The following DOK6 variants were observed in gnomAD, a reference collection of about 807,000 sequenced individuals.
DOK6 encodes the protein downstream of tyrosine kinase 6.
DOK6 carries 22 observed loss-of-function variants against 44.0 expected under a neutral mutation model. The ratio of observed to expected loss-of-function variants is 0.50; its 90% confidence interval spans 0.36 to 0.71. The LOEUF is 0.71. Ranked by LOEUF, DOK6 falls within the 30% of genes least tolerant of loss-of-function variation. DOK6 has a pLI of 0.00. For missense variants in DOK6, 340 were observed against 416.4 expected (o/e 0.82, Z 1.60); for synonymous variants, 166 against 145.5 (o/e 1.14, Z -1.01).
chr18:69,641,971 T>C lies in DOK6; in HGVS notation c.290-35763T>C, dbSNP rs948720348. On this transcript the variant is annotated intron_variant, in intron 3 of 7. Transcript: ENST00000382713. The stretch of plus-strand genomic sequence containing the variant: ...TGCATTTTTATTTCATTAGGGGCAT[T>C]TATAACCACTGGATTTGTTTTAATT... Among the ~76,000 whole-genome samples, 6 of 152,212 alleles carry C rather than the reference T, an allele frequency of 3.9e-5. No homozygotes were observed. The South Asian group carries it at 1.2e-3, about 31-fold the overall frequency.
At chr18:69,761,852 T>C (rs1321580513) in intron 7 of DOK6, among the ~76,000 whole-genome samples, 2 of 152,110 alleles carry the variant, frequency 1.3e-5, no homozygotes, top group African/African-American at 2.4e-5. Context: ...GTGGCAGATA[T>C]CCGAGTTACG....
intron 7 of DOK6, among the ~76,000 whole-genome samples, chr18:69,820,962 G>T (rs1981551035): frequency 1.3e-5 from 2 of 152,014 alleles, no homozygotes; most frequent in Admixed American, 6.6e-5. Context: ...TTATACCTGG[G>T]TGATGAAATA....
At chr18:69,698,996 A>G (rs1484815292) in intron 5 of DOK6, among the ~76,000 whole-genome samples, 1 of 152,198 alleles carries the variant, frequency 6.6e-6, no homozygotes, top group Non-Finnish European at 1.5e-5. Context: ...ATAAGCAAAC[A>G]ATCTTTTTTT....
intron 5 of DOK6, among the ~76,000 whole-genome samples, chr18:69,732,429 T>G (rs966571326): frequency 6.6e-6 from 1 of 152,312 alleles, no homozygotes; most frequent in Non-Finnish European, 1.5e-5. Flanking sequence ...ATGACTTACA[T>G]CACATCTTTA....
chr18:69,493,889 T>C lies in DOK6; in HGVS notation c.67-70598T>C, dbSNP rs981320560. ...AGATGTACAATGTGATGATATAATA[T>C]GCATATACATTGTGAAATGATTACC... On this transcript the variant is annotated intron_variant, in intron 1 of 7. Transcript: ENST00000382713. 4.6e-5 allele frequency among the ~76,000 whole-genome samples: 7 copies of C among 152,188 alleles called. 1 individual carries two copies. The highest frequency in any genetic ancestry group is 1.7e-4 in the African/African-American group (7 of 41,446).
intron 7 of DOK6, among the ~76,000 whole-genome samples, chr18:69,791,271 T>C (rs1196852625): frequency 1.3e-5 from 2 of 152,186 alleles, no homozygotes; most frequent in Admixed American, 6.6e-5. Flanking sequence ...ATATACCTAG[T>C]GGTGGGATTG....
At chr18:69,603,330 A>C (rs10469161) in intron 3 of DOK6, among the ~76,000 whole-genome samples, 5,278 of 152,206 alleles carry the variant, frequency 0.035, 289 homozygotes, top group African/African-American at 0.12. Context: ...TGTAGCCCCT[A>C]ATCCTACAAT....
At chr18:69,779,963 T>A (rs896642612) in intron 7 of DOK6, among the ~76,000 whole-genome samples, 2 of 152,152 alleles carry the variant, frequency 1.3e-5, no homozygotes, top group African/African-American at 4.8e-5. Flanking sequence ...TCCTATTTAT[T>A]GTGTTATTAC....
At chr18:69,659,557 A>T (rs1985455795) in intron 3 of DOK6, among the ~76,000 whole-genome samples, 1 of 152,188 alleles carries the variant, frequency 6.6e-6, no homozygotes, top group Admixed American at 6.5e-5. Flanking sequence ...AGATAAAGTC[A>T]AGGGCACTCG....
At chr18:69,481,910 C>T (rs1599151824) in intron 1 of DOK6, among the ~76,000 whole-genome samples, 1 of 152,170 alleles carries the variant, frequency 6.6e-6, no homozygotes, top group Non-Finnish European at 1.5e-5. Context: ...TTAATGATCA[C>T]CATTCTAACT....
At chr18:69,701,817 A>G (rs1018478474) in intron 5 of DOK6, among the ~76,000 whole-genome samples, 2 of 152,214 alleles carry the variant, frequency 1.3e-5, no homozygotes, top group African/African-American at 2.4e-5. Context: ...AAAGGTGGTT[A>G]GTGGTAGCAA....
chr18:69,727,224 C>T (rs1978314067), intron 5 of DOK6, among the ~76,000 whole-genome samples: 1 of 152,088 alleles, frequency 6.6e-6, no homozygotes, highest in Non-Finnish European at 1.5e-5. Flanking sequence ...CTACTTACCT[C>T]CCAAAGGCCA....
chr18:69,790,509 G>A (rs1163007090), intron 7 of DOK6, among the ~76,000 whole-genome samples: 1 of 152,150 alleles, frequency 6.6e-6, no homozygotes, highest in Non-Finnish European at 1.5e-5. Context: ...TATACAATCT[G>A]AAGCATGCGC....
intron 7 of DOK6, 69 bp downstream of exon 7, chr18:69,757,942 T>C: frequency 7.5e-7 from 1 of 1,330,366 alleles, no homozygotes; most frequent in East Asian, 2.3e-5. Flanking sequence ...GTCATGCAAA[T>C]TGCTTTGTAT....
intron 6 of DOK6, among the ~76,000 whole-genome samples, chr18:69,751,599 C>T (rs537574504): frequency 2.6e-5 from 4 of 152,134 alleles, no homozygotes; most frequent in East Asian, 1.9e-4. Context: ...CAAGTACTTA[C>T]AAGATGTACA....
chr18:69,599,727 T>C (rs1335002093), intron 3 of DOK6, among the ~76,000 whole-genome samples: 1 of 152,212 alleles, frequency 6.6e-6, no homozygotes, highest in Non-Finnish European at 1.5e-5. Context: ...TGTTGAGGTT[T>C]CCGTTCAAGC....
At chr18:69,766,591 A>G (rs993315854) in intron 7 of DOK6, among the ~76,000 whole-genome samples, 2 of 152,200 alleles carry the variant, frequency 1.3e-5, no homozygotes, top group African/African-American at 2.4e-5. Flanking sequence ...AGAAAATGTT[A>G]TTAAGAAAAT....
chr18:69,700,995 T>A (rs566149291), intron 5 of DOK6, among the ~76,000 whole-genome samples: 10 of 152,256 alleles, frequency 6.6e-5, no homozygotes, highest in Non-Finnish European at 1.5e-4. Flanking sequence ...AATAGTAGTA[T>A]TAGTACAAAT....
chr18:69,664,217 G>A (rs1174798784), intron 3 of DOK6, among the ~76,000 whole-genome samples: 3 of 152,146 alleles, frequency 2.0e-5, no homozygotes, highest in South Asian at 2.1e-4. Context: ...GTTTTCATAC[G>A]AATTTCATCA....
Sources: allele counts gnomAD v4.1 joint callset (sites outside exome capture counted in the v4.1 genomes callset), GRCh38; gene constraint gnomAD v4.1.1; transcripts MANE v1.5; gene names NCBI Gene and HGNC (gene_info 2026-07-23, HGNC 2026-07-21).